The following NOS1 variants were observed in gnomAD, a reference collection of about 807,000 sequenced individuals.
NOS1 encodes nitric oxide synthase 1, also known as NOS type I.
Under a neutral mutation model 164.5 loss-of-function variants are expected in NOS1, and 51 were observed. The observed-to-expected ratio is 0.31, with a 90% CI of 0.25 to 0.39. The LOEUF (loss-of-function observed/expected upper bound fraction) is 0.39. Ranked by LOEUF, NOS1 falls within the 10% of genes least tolerant of loss-of-function variation. The pLI is 1.00. For missense variants in NOS1, 1,362 were observed against 1,885.6 expected (o/e 0.72, Z 5.14); for synonymous variants, 719 against 745.8 (o/e 0.96, Z 0.59).
Position 117,210,375 on chromosome 12 carries a change from G to A in NOS1, c.*4934C>T. On this transcript the variant is annotated 3_prime_UTR_variant, in exon 29 of 29. Transcript: ENST00000317775. ...GGGTTATAAAGGAAGACTAGTTAGT[G>A]TTTCTCTCTCCTTGTTGCTTCCTGG... 3 of 985,340 alleles carry A rather than the reference G, an allele frequency of 3.0e-6. No individual in the cohort carries two copies. The highest frequency in any genetic ancestry group is 9.4e-5 in the South Asian group (2 of 21,278). The allele number at this position is 985,340 out of a possible 1,614,324, so 61.0% of individuals were successfully genotyped here.
At chr12:117,299,593 C>T (rs530651795) in intron 3 of NOS1, among the ~76,000 whole-genome samples, 302 of 147,210 alleles carry the variant, frequency 2.1e-3, no homozygotes, top group Non-Finnish European at 3.7e-3. Flanking sequence ...GAGCCGAGAT[C>T]GCGCCACCGC....
At chr12:117,231,581 T>TA (rs1242960747) in intron 22 of NOS1, among the ~76,000 whole-genome samples, 1 of 151,836 alleles carries the variant, frequency 6.6e-6, no homozygotes, top group Non-Finnish European at 1.5e-5. Flanking sequence ...AAATAAAAAT[T>TA]AAAAAAACAA....
chr12:117,226,208 C>T (rs1030513668), intron 24 of NOS1, among the ~76,000 whole-genome samples: 6 of 152,104 alleles, frequency 3.9e-5, no homozygotes, highest in Non-Finnish European at 7.3e-5. Context: ...AGTTATTGAT[C>T]GACAAAACAG....
At chr12:117,347,779 G>T (rs898554707) in intron 1 of NOS1, among the ~76,000 whole-genome samples, 5 of 152,116 alleles carry the variant, frequency 3.3e-5, no homozygotes, top group African/African-American at 9.7e-5. Context: ...TGTTCTCCCT[G>T]GGTTAAATCT....
rs1592986755 is a variant in NOS1 at position 117,283,825 on chromosome 12, C to T, written c.1382+1416G>A. The stretch of plus-strand genomic sequence containing the variant: ...GAGCCAAGATTGTGCCACTGTACTT[C>T]AACCTGGGTAACAGAGCAAGACTCT... On this transcript the variant is annotated intron_variant, in intron 7 of 28. Coordinates refer to ENST00000317775, the MANE Select transcript of NOS1 (RefSeq NM_000620.5). Among the ~76,000 whole-genome samples, 3 of 125,128 alleles carry T rather than the reference C, an allele frequency of 2.4e-5. No individual in the cohort carries two copies. In the South Asian group the frequency reaches 7.9e-4, roughly 33 times the overall value. 82.1% of individuals were successfully genotyped at this position (125,128 alleles called of 152,430 possible).
rs146805585 is a variant in NOS1, at chr12:117,265,783, T to C, written c.1942-273A>G. Among the ~76,000 whole-genome samples, 7 of 151,900 alleles carry C rather than the reference T, an allele frequency of 4.6e-5. No homozygotes were observed. The East Asian group carries it at 9.7e-4, about 21-fold the overall frequency. ...CCATCCCACCCCCATCTTTTTTTTC[T>C]TTCTTTCTTTCTTTTTCTTTTTTTT... is the stretch of plus-strand genomic sequence containing the variant. On this transcript the variant is annotated intron_variant, in intron 11 of 28. Coordinates refer to ENST00000317775, the MANE Select transcript of NOS1 (RefSeq NM_000620.5).
At chr12:117,346,396 G>A (rs983826777) in intron 1 of NOS1, among the ~76,000 whole-genome samples, 2 of 152,160 alleles carry the variant, frequency 1.3e-5, no homozygotes, top group African/African-American at 4.8e-5. Flanking sequence ...GCTTTAACCC[G>A]GGAGGCTGAG....
chr12:117,325,349 G>C (rs1875191730), intron 2 of NOS1, among the ~76,000 whole-genome samples: 1 of 152,168 alleles, frequency 6.6e-6, no homozygotes, highest in African/African-American at 2.4e-5. Flanking sequence ...TCCTAACTTG[G>C]GACACTGATG....
At chr12:117,230,761 GT>G (rs1434143924) in intron 22 of NOS1, among the ~76,000 whole-genome samples, 1 of 152,170 alleles carries the variant, frequency 6.6e-6, no homozygotes, top group Non-Finnish European at 1.5e-5. Context: ...ATCTCTAATA[GT>G]CCCCCCTGCA....
At chr12:117,333,252 AC>A (rs1225698905) in intron 1 of NOS1, among the ~76,000 whole-genome samples, 3 of 151,966 alleles carry the variant, frequency 2.0e-5, no homozygotes, top group African/African-American at 7.3e-5. Flanking sequence ...ACATCAGAGA[AC>A]CCTTCCATCT....
intron 9 of NOS1, among the ~76,000 whole-genome samples, chr12:117,276,174 C>T (rs1035288777): frequency 3.3e-5 from 5 of 152,130 alleles, no homozygotes; most frequent in Non-Finnish European, 7.3e-5. Flanking sequence ...AGTTATCCTT[C>T]GAGTTACAAA....
intron 3 of NOS1, among the ~76,000 whole-genome samples, chr12:117,299,011 G>T (rs1873612749): frequency 6.6e-6 from 1 of 152,246 alleles, no homozygotes; most frequent in Non-Finnish European, 1.5e-5. Flanking sequence ...AATGAGGGCA[G>T]CACACTGGGG....
intron 1 of NOS1, among the ~76,000 whole-genome samples, chr12:117,357,349 G>T (rs1480465958): frequency 5.3e-5 from 8 of 152,222 alleles, no homozygotes; most frequent in African/African-American, 1.9e-4. Context: ...CAAGGTCAAG[G>T]TGGGAGGAAT....
At position 117,339,660 on chromosome 12, in the gene NOS1, T is replaced by G. The variant is rs9658268; in HGVS notation, c.-420-8171A>C. Among the ~76,000 whole-genome samples the G allele has an allele frequency of 6.3e-4, 96 of 152,304 alleles. No homozygotes were observed. The East Asian group carries it at 0.016, about 25-fold the overall frequency. On this transcript the variant is annotated intron_variant, in intron 1 of 28. Transcript: ENST00000317775. Reference sequence around the variant, plus strand: ...ATCAATAGAAGACTATTAAATCAACTATGGCACATCCATACAACGGAATTC... The same window carrying G: ...ATCAATAGAAGACTATTAAATCAACGATGGCACATCCATACAACGGAATTC...
chr12:117,305,793 T>TTA (rs1874112194), intron 3 of NOS1, among the ~76,000 whole-genome samples: 1 of 151,142 alleles, frequency 6.6e-6, no homozygotes, highest in Admixed American at 6.6e-5. Flanking sequence ...CCCGTGACTT[T>TTA]TTTTTTTTTT....
At chr12:117,228,874 G>A (rs947202002) in intron 22 of NOS1, among the ~76,000 whole-genome samples, 3 of 152,088 alleles carry the variant, frequency 2.0e-5, no homozygotes, top group East Asian at 1.9e-4. Context: ...TCCGCCTCCC[G>A]GGGTTCACGC....
chr12:117,218,896 G>A lies in NOS1; in HGVS notation c.4171-732C>T, dbSNP rs568852905. On this transcript the variant is annotated intron_variant, in intron 27 of 28. Coordinates refer to ENST00000317775, the MANE Select transcript of NOS1 (RefSeq NM_000620.5). ...GAAGAAGGGCAGTGGTTGGGAGTGT[G>A]CGTCTGGCAAGGCAGGCATAATCGT... 1.5e-4 allele frequency among the ~76,000 whole-genome samples: 23 copies of A among 152,148 alleles called. No individual in the cohort carries two copies. The South Asian group carries it at 4.6e-3, about 30-fold the overall frequency.
chr12:117,232,006 C>G lies in NOS1; in HGVS notation c.3361G>C (p.Ala1121Pro). The stretch of plus-strand genomic sequence containing the variant: ...CGCTGCTTCTCCTTCTCGCTGGTAG[C>G]TAGGGAGGCAAACTGCTGCAGCTGC... ...PLQLQQFASL[A>P]TSEKEKQRLL... The change falls in exon 22 of 29, where the codon GCT becomes CCT. Residue 1121 changes from alanine to proline, a missense_variant. This residue lies in a region of NOS1 where 737 missense variants were observed against 1,030.3 expected (regional missense o/e 0.72). Transcript: ENST00000317775. The G allele has an allele frequency of 6.2e-7, 1 of 1,612,920 alleles. No homozygotes were observed. The highest frequency in any genetic ancestry group is 8.5e-7 in the Non-Finnish European group (1 of 1,179,980).
chr12:117,280,425 C>T (rs1011380790), intron 8 of NOS1, among the ~76,000 whole-genome samples: 1 of 152,192 alleles, frequency 6.6e-6, no homozygotes, highest in Non-Finnish European at 1.5e-5. Context: ...TTCTTCTCTA[C>T]TCATTTGGCA....
Sources: gnomAD v4.1 joint callset for allele counts (sites outside exome capture counted in the v4.1 genomes callset) on GRCh38, gnomAD v4.1.1 for gene constraint, gnomAD v4.1.1 regional missense constraint, MANE v1.5 for transcripts, NCBI Gene and HGNC (gene_info 2026-07-23, HGNC 2026-07-21) for gene names.